PRDM16: variants seen among roughly 807,000 people sequenced by gnomAD.
PRDM16 encodes PR/SET domain 16, also known as histone-lysine N-methyltransferase PRDM16.
PRDM16 carries 23 observed loss-of-function variants against 110.6 expected under a neutral mutation model. The ratio of observed to expected loss-of-function variants is 0.21; its 90% CI spans 0.15 to 0.29. The LOEUF is 0.29. Among genes scored for constraint, PRDM16 ranks in the 10% least tolerant of loss-of-function variants. The probability of loss-of-function intolerance (pLI) is 1.00; values close to 1 mark genes in which losing one functional copy is unlikely to be tolerated. For synonymous variants in PRDM16, 799 were observed against 781.8 expected, an observed-to-expected ratio of 1.02 and a Z score of -0.37; for missense variants, 1,615 against 1,794.3, an observed-to-expected ratio of 0.90 and a Z score of 1.81.
intron 14 of PRDM16, among the ~76,000 whole-genome samples, chr1:3,428,665 G>T (rs1174241971): frequency 1.3e-5 from 2 of 152,230 alleles, no homozygotes; most frequent in Non-Finnish European, 2.9e-5. Flanking sequence ...TGCAGAACCA[G>T]CTCCTGCCCT....
chr1:3,183,878 C>A (rs550219886), intron 1 of PRDM16, among the ~76,000 whole-genome samples: 1 of 152,202 alleles, frequency 6.6e-6, no homozygotes, highest in Non-Finnish European at 1.5e-5. Context: ...CGGGCAGAGG[C>A]GCCCACGCCC....
At chr1:3,385,584 C>T (rs753216389) in intron 4 of PRDM16, among the ~76,000 whole-genome samples, 1 of 152,192 alleles carries the variant, frequency 6.6e-6, no homozygotes, top group African/African-American at 2.4e-5. Flanking sequence ...CAGGCAGGAC[C>T]GCGGATCACA....
chr1:3,267,538 A>G (rs576361415), intron 3 of PRDM16, among the ~76,000 whole-genome samples: 1 of 152,282 alleles, frequency 6.6e-6, no homozygotes, highest in Non-Finnish European at 1.5e-5. Context: ...CTGGGTCACA[A>G]TAACGCTATG....
intron 3 of PRDM16, among the ~76,000 whole-genome samples, chr1:3,326,947 G>A (rs1217448506): frequency 1.3e-5 from 2 of 152,190 alleles, no homozygotes; most frequent in South Asian, 2.1e-4. Flanking sequence ...TTCAGGCCCC[G>A]CCTGGCTGTG....
At chr1:3,227,600 AC>A (rs1178088567) in intron 2 of PRDM16, among the ~76,000 whole-genome samples, 1 of 152,146 alleles carries the variant, frequency 6.6e-6, no homozygotes, top group East Asian at 1.9e-4. Flanking sequence ...GGGAATCAGG[AC>A]CCGTGGGCCC....
chr1:3,409,840 TGGTGTG>T (rs1643646186), intron 8 of PRDM16, among the ~76,000 whole-genome samples: 1 of 135,626 alleles, frequency 7.4e-6, no homozygotes, highest in Admixed American at 7.4e-5. Context: ...TGTGGGTGTG[TGGTGTG>T]GGTGTGTGTG....
intron 2 of PRDM16, among the ~76,000 whole-genome samples, chr1:3,203,636 G>T (rs1395029560): frequency 1.3e-5 from 2 of 152,196 alleles, no homozygotes. Flanking sequence ...TGCAGACACG[G>T]TGCCCTCGAG....
chr1:3,395,146 T>C (rs1035767145), intron 4 of PRDM16, among the ~76,000 whole-genome samples: 1 of 152,152 alleles, frequency 6.6e-6, no homozygotes, highest in Non-Finnish European at 1.5e-5. Flanking sequence ...CTGGAGTCAG[T>C]TGGGACTGGC....
intron 12 of PRDM16, among the ~76,000 whole-genome samples, chr1:3,419,741 A>G (rs909750505): frequency 8.5e-5 from 13 of 152,088 alleles, no homozygotes; most frequent in Non-Finnish European, 1.5e-5. Flanking sequence ...CTGTGTCTCC[A>G]TCCCTGGGGA....
Position 3,246,493 on chromosome 1 carries a change from C to T in PRDM16, c.438+2356C>T, listed in dbSNP as rs1379539960. Among the ~76,000 whole-genome samples, 3 of 152,158 alleles carry T rather than the reference C, an allele frequency of 2.0e-5. No homozygotes were observed. Among genetic ancestry groups the T allele is most frequent in the African/African-American group, 4.8e-5 (2 of 41,442 alleles). On this transcript the variant is annotated intron_variant, in intron 3 of 16. Coordinates refer to ENST00000270722, the MANE Select transcript of PRDM16 (RefSeq NM_022114.4). This position sits in a 1 kb window ranked among gnomAD's most constrained non-coding sequence, Gnocchi z 5.2. Reference sequence around the variant, plus strand: ...AGCCAGCATCGGGGGCGTTGGTGGGCGGTCCTGTCCAAGCAGGCCTCCTGA... The same window carrying T: ...AGCCAGCATCGGGGGCGTTGGTGGGTGGTCCTGTCCAAGCAGGCCTCCTGA...
intron 3 of PRDM16, among the ~76,000 whole-genome samples, chr1:3,260,674 G>A (rs1640139714): frequency 7.3e-5 from 1 of 13,650 alleles, no homozygotes; most frequent in African/African-American, 2.9e-4. Flanking sequence ...GATGATCATA[G>A]CTTTGATTAT....
At chr1:3,072,691 TC>T (rs1641795192) in intron 1 of PRDM16, among the ~76,000 whole-genome samples, 1 of 152,026 alleles carries the variant, frequency 6.6e-6, no homozygotes, top group South Asian at 2.1e-4. Context: ...ACCAGTCCCC[TC>T]CCCAGAGCCA....
intron 1 of PRDM16, among the ~76,000 whole-genome samples, chr1:3,140,363 A>G (rs1281686006): frequency 2.6e-5 from 4 of 152,098 alleles, no homozygotes; most frequent in African/African-American, 9.7e-5. Flanking sequence ...GGGGTCTCAC[A>G]TAGGGCCCCC....
intron 1 of PRDM16, among the ~76,000 whole-genome samples, chr1:3,110,927 G>A (rs879554739): frequency 6.6e-6 from 1 of 152,202 alleles, no homozygotes; most frequent in African/African-American, 2.4e-5. Context: ...TGGGGGATGG[G>A]TCTAAATCGA....
intron 2 of PRDM16, among the ~76,000 whole-genome samples, chr1:3,231,517 G>A (rs542942896): frequency 1.4e-5 from 2 of 139,302 alleles, no homozygotes; most frequent in East Asian, 4.3e-4. Flanking sequence ...TGCGGGGGTC[G>A]AGAGGTGTTT....
At chr1:3,398,933 C>T (rs929446838) in intron 5 of PRDM16, among the ~76,000 whole-genome samples, 3 of 152,198 alleles carry the variant, frequency 2.0e-5, no homozygotes, top group Non-Finnish European at 2.9e-5. Flanking sequence ...GGGGCCAGCC[C>T]GCTTCGGGAG....
intron 3 of PRDM16, among the ~76,000 whole-genome samples, chr1:3,296,377 C>T (rs1277900339): frequency 3.3e-5 from 5 of 152,256 alleles, no homozygotes; most frequent in Admixed American, 3.3e-4. Context: ...GTCCATTCTC[C>T]TGCAAACACT....
At chr1:3,195,595 C>G (rs1337694009) in intron 2 of PRDM16, among the ~76,000 whole-genome samples, 2 of 151,820 alleles carry the variant, frequency 1.3e-5, no homozygotes, top group East Asian at 2.0e-4. Context: ...CCCGCCCCCC[C>G]TGTCCCAGTG....
chr1:3,113,864 G>A (rs1322793368), intron 1 of PRDM16, among the ~76,000 whole-genome samples: 1 of 152,256 alleles, frequency 6.6e-6, no homozygotes, highest in Non-Finnish European at 1.5e-5. Flanking sequence ...GGGCTCAGAA[G>A]CTCTGGAATC....
Sources: gnomAD v4.1 joint callset for allele counts (sites outside exome capture counted in the v4.1 genomes callset) on GRCh38, gnomAD v4.1.1 for gene constraint, Gnocchi (gnomAD v3.1) non-coding constraint, MANE v1.5 for transcripts, NCBI Gene and HGNC (gene_info 2026-07-23, HGNC 2026-07-21) for gene names.